The following SPTLC3 variants were observed in gnomAD, a reference collection of about 807,000 sequenced individuals.
The protein encoded by SPTLC3 is serine palmitoyltransferase 3.
Under a neutral mutation model 59.3 loss-of-function variants are expected in SPTLC3, and 36 were observed. The ratio of observed to expected loss-of-function variants is 0.61; its 90% CI spans 0.47 to 0.80. The LOEUF is 0.80. SPTLC3 is among the 30% of genes least tolerant of loss of function. The pLI, the probability that SPTLC3 is intolerant of heterozygous loss-of-function variation, is 0.00. For missense variants in SPTLC3, 625 were observed against 685.1 expected (o/e 0.91, Z 0.98); for synonymous variants, 257 against 240.8 (o/e 1.07, Z -0.62).
chr20:13,110,189 A>T lies in SPTLC3; in HGVS notation c.904A>T (p.Ile302Phe), dbSNP rs1360923886. 1 of 1,613,554 alleles carries T rather than the reference A, an allele frequency of 6.2e-7. No individual in the cohort carries two copies. Among genetic ancestry groups the T allele is most frequent in the Non-Finnish European group, 8.5e-7 (1 of 1,179,768 alleles). The change falls in exon 7 of 12, where the codon ATT becomes TTT. Residue 302 changes from isoleucine to phenylalanine, a missense_variant. Physicochemically the swap from Ile to Phe is conservative, Grantham distance 21 (BLOSUM62 0). Coordinates refer to ENST00000399002, the MANE Select transcript of SPTLC3 (RefSeq NM_018327.4). ...TCGAACCCGCAGAGCTTGGAAAAAGATTCTCATCCTGGTGGAGGGTGTCTA... is the reference window on the plus strand; with the variant it reads ...TCGAACCCGCAGAGCTTGGAAAAAGTTTCTCATCCTGGTGGAGGGTGTCTA... Reference protein sequence around the residue: ...QPRTRRAWKKILILVEGVYSM... With the variant: ...QPRTRRAWKKFLILVEGVYSM...
rs34511643 is a variant in SPTLC3 at position 13,165,099 on chromosome 20, T to TACAC, written c.*251_*254dup. The stretch of plus-strand genomic sequence containing the variant: ...CTTCTTCCAAGTATTCTACTAGAAA[T>TACAC]ACACACACACACACACACACACTTC... On this transcript the variant is annotated 3_prime_UTR_variant, in exon 12 of 12. Transcript: ENST00000399002. The TACAC allele has an allele frequency of 0.14, 51,494 of 373,172 alleles. 2,637 individuals carry two copies. Among genetic ancestry groups the TACAC allele is most frequent in the East Asian group, 0.19 (3,804 of 19,582 alleles). 23.1% of individuals were successfully genotyped at this position (373,172 alleles called of 1,614,324 possible).
intron 9 of SPTLC3, among the ~76,000 whole-genome samples, chr20:13,147,707 C>T (rs2038547600): frequency 6.6e-6 from 1 of 152,262 alleles, no homozygotes; most frequent in South Asian, 2.1e-4. Context: ...ATGTGACTTC[C>T]CATCTCTAAA....
intron 3 of SPTLC3, 124 bp downstream of exon 3, chr20:13,072,534 G>A: frequency 9.8e-7 from 1 of 1,022,062 alleles, no homozygotes; most frequent in Non-Finnish European, 1.4e-6. Context: ...TATCATTTAT[G>A]CCTTTGCAAG....
At chr20:13,111,139 C>T (rs530060801) in intron 7 of SPTLC3, among the ~76,000 whole-genome samples, 1 of 152,204 alleles carries the variant, frequency 6.6e-6, no homozygotes, top group East Asian at 1.9e-4. Context: ...TTATTTTTAA[C>T]ATTTTTAACT....
chr20:13,164,938 A>T lies in SPTLC3; in HGVS notation c.*71A>T. ...TCCCTCCTTGCCTCACAAGGAATAT[A>T]AATGGATTTCTCCCCCTTCCTCAGG... On this transcript the variant is annotated 3_prime_UTR_variant, in exon 12 of 12. Transcript: ENST00000399002. 1 of 1,304,674 alleles carries T rather than the reference A, an allele frequency of 7.7e-7. No homozygotes were observed. The highest frequency in any genetic ancestry group is 1.9e-4 in the Middle Eastern group (1 of 5,380). 80.8% of individuals were successfully genotyped at this position (1,304,674 alleles called of 1,614,324 possible).
At chr20:13,151,050 T>A (rs1368704862) in intron 9 of SPTLC3, among the ~76,000 whole-genome samples, 1 of 152,218 alleles carries the variant, frequency 6.6e-6, no homozygotes, top group Non-Finnish European at 1.5e-5. Flanking sequence ...CTCACTAGAC[T>A]ATAAGCTCTT....
At chr20:13,043,829 G>A (rs1987101971) in intron 1 of SPTLC3, among the ~76,000 whole-genome samples, 1 of 152,016 alleles carries the variant, frequency 6.6e-6, no homozygotes, top group Non-Finnish European at 1.5e-5. Context: ...TCAGCTCCCT[G>A]TCCCATTGCC....
intron 1 of SPTLC3, among the ~76,000 whole-genome samples, chr20:13,044,991 C>T (rs1287380545): frequency 1.0e-5 from 1 of 100,234 alleles, no homozygotes; most frequent in Non-Finnish European, 2.1e-5. Context: ...CATTTGTGTC[C>T]CCACCACACA....
chr20:13,009,704 T>C lies in SPTLC3; in HGVS notation c.117+320T>C, dbSNP rs1471204866. 5.3e-5 allele frequency among the ~76,000 whole-genome samples: 8 copies of C among 152,198 alleles called. No homozygotes were observed. In the East Asian group the frequency reaches 1.5e-3, roughly 29 times the overall value. On this transcript the variant is annotated intron_variant, in intron 1 of 11. Transcript: ENST00000399002. ...AAGAATTAAGAAAGTTCCAACTCTT[T>C]GCATATATTTTTGTCCAAGAGACCT...
At chr20:13,129,390 T>C (rs111815446) in intron 9 of SPTLC3, among the ~76,000 whole-genome samples, 1 of 152,210 alleles carries the variant, frequency 6.6e-6, no homozygotes, top group African/African-American at 2.4e-5. Context: ...GAAAAACTGT[T>C]CTGGAACTAC....
At chr20:13,060,450 A>AT (rs35172647) in intron 2 of SPTLC3, among the ~76,000 whole-genome samples, 5 of 150,414 alleles carry the variant, frequency 3.3e-5, no homozygotes, top group African/African-American at 7.4e-5. Flanking sequence ...TTATTTTTTA[A>AT]TTTTTTTTAT....
intron 8 of SPTLC3, 112 bp downstream of exon 8, chr20:13,117,837 T>C: frequency 1.0e-6 from 1 of 983,570 alleles, no homozygotes; most frequent in Non-Finnish European, 1.5e-6. Flanking sequence ...ACACCTCAGC[T>C]GATCACTCCA....
chr20:13,093,068 A>T (rs977173563), intron 5 of SPTLC3, among the ~76,000 whole-genome samples: 1 of 152,094 alleles, frequency 6.6e-6, no homozygotes, highest in Non-Finnish European at 1.5e-5. Context: ...ATTGTCCTGC[A>T]CAAAAGACCC....
chr20:13,074,639 G>A, intron 4 of SPTLC3, 142 bp downstream of exon 4: 1 of 1,036,500 alleles, frequency 9.6e-7, no homozygotes, highest in South Asian at 2.2e-5. Context: ...AGATATTTTG[G>A]GAAATTTCAA....
chr20:13,010,039 A>T (rs1251606548), intron 1 of SPTLC3, among the ~76,000 whole-genome samples: 3 of 138,398 alleles, frequency 2.2e-5, no homozygotes. Flanking sequence ...CCAACTTGAC[A>T]CTTTTTTTTT....
chr20:13,110,444 G>A (rs768285608), intron 7 of SPTLC3, among the ~76,000 whole-genome samples: 1 of 152,300 alleles, frequency 6.6e-6, no homozygotes, highest in Non-Finnish European at 1.5e-5. Context: ...GCTTGTGAAG[G>A]CTTCCTCAGA....
intron 2 of SPTLC3, among the ~76,000 whole-genome samples, chr20:13,053,058 G>A (rs1987564380): frequency 6.6e-6 from 1 of 152,162 alleles, no homozygotes; most frequent in Non-Finnish European, 1.5e-5. Flanking sequence ...GGACAGACTG[G>A]CTCCTCAAGT....
In SPTLC3 at chr20:13,027,182, T is replaced by C. The variant is rs1041038630; in HGVS notation, c.117+17798T>C. Among the ~76,000 whole-genome samples, 7 of 152,216 alleles carry C rather than the reference T, an allele frequency of 4.6e-5. 1 individual carries two copies. Among genetic ancestry groups the C allele is most frequent in the African/African-American group, 7.2e-5 (3 of 41,460 alleles). On this transcript the variant is annotated intron_variant, in intron 1 of 11. Transcript: ENST00000399002. ...ATAAACAGGTTGTATTTGAATCTTT[T>C]ATACAGGTTTGCTTCTGGAGAACCC...
At position 13,118,317 on chromosome 20, in the gene SPTLC3, C is replaced by T. The variant is rs1202368129; in HGVS notation, c.1152+592C>T. On this transcript the variant is annotated intron_variant, in intron 8 of 11. Transcript: ENST00000399002. ...AAAATTCTTTCCATAATGTTGCATACACCATAGGTCAAATCCTGCCATTCT... is the reference window on the plus strand; with the variant it reads ...AAAATTCTTTCCATAATGTTGCATATACCATAGGTCAAATCCTGCCATTCT... 2.6e-5 allele frequency among the ~76,000 whole-genome samples: 4 copies of T among 151,842 alleles called. No individual in the cohort carries two copies. The East Asian group carries it at 7.7e-4, about 29-fold the overall frequency.
Sources: allele counts gnomAD v4.1 joint callset (sites outside exome capture counted in the v4.1 genomes callset), GRCh38; gene constraint gnomAD v4.1.1; transcripts MANE v1.5; gene names NCBI Gene and HGNC (gene_info 2026-07-23, HGNC 2026-07-21).